The following ATP10B variants were observed in gnomAD, a reference collection of about 807,000 sequenced individuals.
ATP10B encodes ATPase phospholipid transporting 10B (putative).
Under a neutral mutation model 141.2 loss-of-function variants are expected in ATP10B, and 122 were observed. The observed-to-expected ratio is 0.86, with a 90% CI of 0.75 to 1.00. ATP10B has a LOEUF of 1.00. ATP10B is among the 50% of genes least tolerant of loss of function. ATP10B has a pLI of 0.00. For missense variants in ATP10B, 1,876 were observed against 1,825.3 expected (o/e 1.03, Z -0.51); for synonymous variants, 685 against 692.0 (o/e 0.99, Z 0.16).
intron 2 of ATP10B, among the ~76,000 whole-genome samples, chr5:160,751,755 G>T (rs2127823885): frequency 6.6e-6 from 1 of 152,214 alleles, no homozygotes; most frequent in Non-Finnish European, 1.5e-5. Flanking sequence ...CAAAGGGTCT[G>T]GAGAAAAGAA....
In ATP10B at chr5:160,598,890, T is replaced by C. The variant is rs766188751; in HGVS notation, c.3444A>G (p.Ile1148Met). Reference protein sequence around the residue: ...SSTMIDYWQMIFFNLFFTSLP... With the variant: ...SSTMIDYWQMMFFNLFFTSLP... ...AGGAGGTAAAGAAGAGATTGAAGAA[T>C]ATCATCTGCCAGTAATCAATCATGG... The change falls in exon 22 of 26, where the codon ATA becomes ATG. Residue 1148 changes from isoleucine (I) to methionine (M), a missense_variant. By Grantham distance (10) the Ile-to-Met change is conservative (BLOSUM62 1). Coordinates refer to ENST00000327245, the MANE Select transcript of ATP10B (RefSeq NM_025153.3). 9 of 1,614,152 alleles carry C rather than the reference T, an allele frequency of 5.6e-6. No individual in the cohort carries two copies. The highest frequency in any genetic ancestry group is 3.3e-5 in the South Asian group (3 of 91,078).
chr5:160,782,777 A>G (rs972583460), intron 2 of ATP10B, among the ~76,000 whole-genome samples: 4 of 151,502 alleles, frequency 2.6e-5, no homozygotes, highest in African/African-American at 4.8e-5. Flanking sequence ...ATCAATGGCA[A>G]AAAATGACAT....
intron 17 of ATP10B, among the ~76,000 whole-genome samples, chr5:160,613,404 G>T (rs1451939274): frequency 6.6e-6 from 1 of 152,212 alleles, no homozygotes; most frequent in African/African-American, 2.4e-5. Context: ...ACTGGGCAGA[G>T]CCTTGTCAGG....
At chr5:160,642,648 C>A (rs1238467326) in intron 9 of ATP10B, among the ~76,000 whole-genome samples, 1 of 152,218 alleles carries the variant, frequency 6.6e-6, no homozygotes, top group Non-Finnish European at 1.5e-5. Context: ...AAGGTGAGAA[C>A]CCCAGCTCTA....
At chr5:160,920,830 T>C in the ATP10B span, among the ~76,000 whole-genome samples, 1 of 152,176 alleles carries the variant, frequency 6.6e-6, no homozygotes, top group Admixed American at 6.5e-5. Flanking sequence ...ATAACAAGCT[T>C]CCAGGTGACG....
At position 160,842,114 on chromosome 5, in the gene ATP10B, A is replaced by C. The variant is rs550646124; in HGVS notation, c.-576+9827T>G. ...GTCTCAAAAAAATTTCAAAGACTTG[A>C]AATGATAGACATGTTTTCAGACCAT... On this transcript the variant is annotated intron_variant, in intron 1 of 25. Coordinates refer to ENST00000327245, the MANE Select transcript of ATP10B (RefSeq NM_025153.3). Among the ~76,000 whole-genome samples, 3 of 152,352 alleles carry C rather than the reference A, an allele frequency of 2.0e-5. No individual in the cohort carries two copies. In the South Asian group the frequency reaches 6.2e-4, roughly 32 times the overall value.
At chr5:160,857,841 T>C in the ATP10B span, among the ~76,000 whole-genome samples, 1 of 151,904 alleles carries the variant, frequency 6.6e-6, no homozygotes, top group Non-Finnish European at 1.5e-5. Context: ...AATTTCTAGT[T>C]GGATTTCATT....
chr5:160,575,714 C>A (rs11953406), intron 24 of ATP10B, among the ~76,000 whole-genome samples: 1,748 of 151,086 alleles, frequency 0.012, 38 homozygotes, highest in African/African-American at 0.04. Flanking sequence ...TAAAAAAAAA[C>A]CCCTAAATAG....
chr5:160,685,807 G>A (rs1338612724), intron 6 of ATP10B, among the ~76,000 whole-genome samples: 3 of 151,972 alleles, frequency 2.0e-5, no homozygotes, highest in East Asian at 1.9e-4. Context: ...ATTGTTCCCC[G>A]GTGGTGTCCT....
At chr5:160,763,691 A>T (rs1412212917) in intron 2 of ATP10B, among the ~76,000 whole-genome samples, 1 of 152,164 alleles carries the variant, frequency 6.6e-6, no homozygotes, top group East Asian at 1.9e-4. Flanking sequence ...AACCCATCAG[A>T]ATAGAAATAG....
At chr5:160,887,525 T>A in the ATP10B span, among the ~76,000 whole-genome samples, 1 of 152,028 alleles carries the variant, frequency 6.6e-6, no homozygotes, top group South Asian at 2.1e-4. Context: ...TGACCAGAAC[T>A]CACAATTGGC....
At chr5:160,639,932 C>T (rs942449029) in intron 10 of ATP10B, among the ~76,000 whole-genome samples, 7 of 152,234 alleles carry the variant, frequency 4.6e-5, no homozygotes, top group Non-Finnish European at 8.8e-5. Flanking sequence ...GCATTTGATT[C>T]TCATAAGAAG....
At chr5:160,646,486 A>G (rs995733577) in intron 8 of ATP10B, among the ~76,000 whole-genome samples, 2 of 152,182 alleles carry the variant, frequency 1.3e-5, no homozygotes, top group Non-Finnish European at 2.9e-5. Flanking sequence ...TTCCTTTTCA[A>G]ATAAATTTTG....
intron 7 of ATP10B, among the ~76,000 whole-genome samples, chr5:160,654,430 G>A (rs1427655859): frequency 6.6e-6 from 1 of 152,134 alleles, no homozygotes; most frequent in Non-Finnish European, 1.5e-5. Context: ...TTTGATGAAA[G>A]TCTTGCTTTC....
chr5:160,846,513 G>A (rs546995765), intron 1 of ATP10B, among the ~76,000 whole-genome samples: 4 of 152,018 alleles, frequency 2.6e-5, no homozygotes, highest in African/African-American at 9.7e-5. Context: ...GCTTCTGATC[G>A]CCAAGCTAGT....
intron 2 of ATP10B, among the ~76,000 whole-genome samples, chr5:160,752,771 C>T (rs2127825353): frequency 1.3e-5 from 2 of 152,234 alleles, no homozygotes; most frequent in Middle Eastern, 6.8e-3. Flanking sequence ...TACAACAATA[C>T]AGAGGCTTCA....
chr5:160,821,082 T>C (rs1324347882), intron 1 of ATP10B, among the ~76,000 whole-genome samples: 1 of 152,170 alleles, frequency 6.6e-6, no homozygotes, highest in Non-Finnish European at 1.5e-5. Flanking sequence ...TATCTTTGTT[T>C]GCAGATTATG....
chr5:160,581,750 A>G (rs906770332), intron 24 of ATP10B, among the ~76,000 whole-genome samples: 4 of 152,062 alleles, frequency 2.6e-5, no homozygotes, highest in Admixed American at 6.6e-5. Flanking sequence ...ACAGTGGGGT[A>G]TTAAAGCCTC....
the ATP10B span, among the ~76,000 whole-genome samples, chr5:160,874,028 C>T: frequency 7.2e-5 from 11 of 152,194 alleles, no homozygotes; most frequent in African/African-American, 2.2e-4. Context: ...TGGGTGGAGC[C>T]CACCACAGCT....
Sources: allele counts gnomAD v4.1 joint callset (sites outside exome capture counted in the v4.1 genomes callset), GRCh38; gene constraint gnomAD v4.1.1; transcripts MANE v1.5; gene names NCBI Gene and HGNC (gene_info 2026-07-23, HGNC 2026-07-21).